Variants in C3orf20 observed in about 807,000 individuals in gnomAD.
The protein encoded by C3orf20 is family with sequence similarity 149 member C, also known as uncharacterized protein C3orf20.
C3orf20 carries 76 observed loss-of-function variants against 88.3 expected under a neutral mutation model. The observed-to-expected ratio is 0.86, with a 90% CI of 0.72 to 1.04. C3orf20 has a LOEUF of 1.04. Ranked by LOEUF, C3orf20 falls within the 50% of genes least tolerant of loss-of-function variation. The pLI is 0.00. For missense variants in C3orf20, 1,056 were observed against 1,123.3 expected (o/e 0.94, Z 0.86); for synonymous variants, 436 against 437.4 (o/e 1.00, Z 0.04).
chr3:14,699,032 A>G (rs1201747846), intron 5 of C3orf20, among the ~76,000 whole-genome samples: 1 of 151,966 alleles, frequency 6.6e-6, no homozygotes, highest in South Asian at 2.1e-4. Context: ...CAGGCAGAGG[A>G]GTCTCACCCT....
At chr3:14,700,010 T>G (rs1256449481) in intron 5 of C3orf20, among the ~76,000 whole-genome samples, 1 of 152,222 alleles carries the variant, frequency 6.6e-6, no homozygotes, top group Non-Finnish European at 1.5e-5. Flanking sequence ...TTCAGCCTGA[T>G]TTTGCTTTCC....
chr3:14,722,083 T>C, intron 10 of C3orf20: 1 of 333,418 alleles, frequency 3.0e-6, no homozygotes, highest in Non-Finnish European at 5.7e-6. Flanking sequence ...GTTTCAGGCA[T>C]GGCTGGATCC....
chr3:14,730,550 A>G (rs2034508995), intron 12 of C3orf20, among the ~76,000 whole-genome samples: 8 of 134,216 alleles, frequency 6.0e-5, no homozygotes, highest in Admixed American at 5.6e-4. Flanking sequence ...GTGTCTCAAA[A>G]ATAATAATAA....
chr3:14,720,533 GGTTGTTGTTGTTGTTGTTGTT>G (rs199995038), intron 9 of C3orf20, among the ~76,000 whole-genome samples: 244 of 149,246 alleles, frequency 1.6e-3, no homozygotes, highest in African/African-American at 5.3e-3. Context: ...AGCAGAGAGT[GGTTGTTGTTGTTGTTGTTGTT>G]GTTGTTGTTG....
intron 1 of C3orf20, among the ~76,000 whole-genome samples, 197 bp from the exon 2 acceptor site, chr3:14,681,973 C>T (rs1360571892): frequency 6.6e-6 from 1 of 152,168 alleles, no homozygotes; most frequent in Non-Finnish European, 1.5e-5. Flanking sequence ...CATTGATTTT[C>T]AGGCACATTT....
chr3:14,703,034 C>CT, intron 5 of C3orf20, 96 bp from the exon 6 acceptor site: 1 of 1,434,700 alleles, frequency 7.0e-7, no homozygotes, highest in Non-Finnish European at 9.7e-7. Context: ...AAATGATCTC[C>CT]TTTGACTCCA....
At chr3:14,726,872 C>T in intron 10 of C3orf20, 29 bp from the exon 11 acceptor site, 1 of 1,613,200 alleles carries the variant, frequency 6.2e-7, no homozygotes, top group South Asian at 1.1e-5. Flanking sequence ...GGGATGGTGA[C>T]ACCCGCCCTC....
intron 12 of C3orf20, among the ~76,000 whole-genome samples, chr3:14,744,293 A>G (rs1189583427): frequency 6.6e-6 from 1 of 151,986 alleles, no homozygotes; most frequent in Non-Finnish European, 1.5e-5. Flanking sequence ...CTTTGCTAAA[A>G]CATAACAAGA....
chr3:14,751,669 C>A (rs1174632315), intron 12 of C3orf20, among the ~76,000 whole-genome samples: 3 of 152,150 alleles, frequency 2.0e-5, no homozygotes, highest in Non-Finnish European at 2.9e-5. Flanking sequence ...AAATCACAAG[C>A]ATTCCTATAC....
intron 12 of C3orf20, among the ~76,000 whole-genome samples, chr3:14,734,662 C>T (rs982115796): frequency 6.6e-6 from 1 of 152,058 alleles, no homozygotes; most frequent in Non-Finnish European, 1.5e-5. Context: ...GCATATTCTG[C>T]AGTTTTTTGA....
intron 5 of C3orf20, among the ~76,000 whole-genome samples, chr3:14,697,770 C>T (rs1043491545): frequency 4.6e-5 from 6 of 131,692 alleles, no homozygotes; most frequent in African/African-American, 1.7e-4. Flanking sequence ...CAAGTGATCT[C>T]ATTGTTCAAT....
At chr3:14,730,218 T>C (rs1262780609) in intron 12 of C3orf20, among the ~76,000 whole-genome samples, 1 of 152,226 alleles carries the variant, frequency 6.6e-6, no homozygotes, top group Non-Finnish European at 1.5e-5. Flanking sequence ...TGTTGTTATG[T>C]ATAGCAATAG....
At chr3:14,719,466 A>G (rs554724952) in intron 9 of C3orf20, among the ~76,000 whole-genome samples, 32 of 152,350 alleles carry the variant, frequency 2.1e-4, no homozygotes, top group African/African-American at 7.7e-4. Context: ...TCCATGACGG[A>G]TTATGTGTCT....
chr3:14,726,958 G>A lies in C3orf20; in HGVS notation c.1624G>A (p.Ala542Thr), dbSNP rs1206788371. The change falls in exon 11 of 17, where the codon GCT becomes ACT. Residue 542 changes from alanine (A) to threonine (T), a missense_variant. Ala to Thr is a moderately conservative substitution (Grantham distance 58, BLOSUM62 0). Transcript: ENST00000253697. Reference sequence around the variant, plus strand: ...GGTGTATAAGATGAGCCGAGCCCTGGCTGAGATCAAGAAGCGGTTTCAGAA... The same window carrying A: ...GGTGTATAAGATGAGCCGAGCCCTGACTGAGATCAAGAAGCGGTTTCAGAA... ...DKVYKMSRALAEIKKRFQKTV... is the reference protein window; with the variant it reads ...DKVYKMSRALTEIKKRFQKTV... 8.7e-6 allele frequency: 14 copies of A among 1,614,064 alleles called. No homozygotes were observed. The Admixed American group carries it at 1.7e-4, about 19-fold the overall frequency.
At chr3:14,744,164 C>T (rs954732385) in intron 12 of C3orf20, among the ~76,000 whole-genome samples, 6 of 152,106 alleles carry the variant, frequency 3.9e-5, no homozygotes, top group South Asian at 2.1e-4. Context: ...TAACAACACC[C>T]AGGTTACCTC....
chr3:14,761,851 GGT>G (rs1005030600), intron 15 of C3orf20, among the ~76,000 whole-genome samples: 1 of 152,102 alleles, frequency 6.6e-6, no homozygotes, highest in African/African-American at 2.4e-5. Context: ...AGTGGGAGGG[GGT>G]GTGTGAGCAA....
At chr3:14,738,311 G>T (rs1428837225) in intron 12 of C3orf20, among the ~76,000 whole-genome samples, 1 of 151,406 alleles carries the variant, frequency 6.6e-6, no homozygotes, top group Non-Finnish European at 1.5e-5. Context: ...GGGATTACAG[G>T]CATCTTCCAC....
chr3:14,728,373 C>A, intron 11 of C3orf20, 66 bp from the exon 12 acceptor site: 1 of 1,596,086 alleles, frequency 6.3e-7, no homozygotes. Context: ...TGTTTCCAGT[C>A]TGGGACCAGG....
chr3:14,709,731 G>A (rs1256026716), intron 7 of C3orf20, among the ~76,000 whole-genome samples: 1 of 152,108 alleles, frequency 6.6e-6, no homozygotes, highest in African/African-American at 2.4e-5. Context: ...ACCTGGTCAT[G>A]GTGTCTAATC....
Sources: gnomAD v4.1 joint callset for allele counts (sites outside exome capture counted in the v4.1 genomes callset) on GRCh38, gnomAD v4.1.1 for gene constraint, MANE v1.5 for transcripts, NCBI Gene and HGNC (gene_info 2026-07-23, HGNC 2026-07-21) for gene names.